The following GALNT15 variants were observed in gnomAD, a reference collection of about 807,000 sequenced individuals.
GALNT15 encodes the protein UDP-GalNAc transferase T15.
A neutral mutation model predicts 66.8 loss-of-function variants in GALNT15; 67 were observed. That is an observed-to-expected ratio of 1.00 (90% CI 0.82 to 1.23). The LOEUF is 1.23. Among genes scored for constraint, GALNT15 ranks in the 50% most tolerant of loss-of-function variants. GALNT15 has a pLI of 0.00. For missense variants in GALNT15, 827 were observed against 804.3 expected, an observed-to-expected ratio of 1.03 and a Z score of -0.34; for synonymous variants, 313 against 311.5, an observed-to-expected ratio of 1.00 and a Z score of -0.05.
Position 16,229,146 on chromosome 3 carries a change from A to G in GALNT15, c.*1646A>G. On this transcript the variant is annotated 3_prime_UTR_variant, in exon 10 of 10. Transcript: ENST00000339732. Reference sequence around the variant, plus strand: ...TCTCAGAACACAGTATCCTTCAAATAAGAAAAACTGAGTGGGAAGTGCAGT... The same window carrying G: ...TCTCAGAACACAGTATCCTTCAAATGAGAAAAACTGAGTGGGAAGTGCAGT... 1.0e-6 allele frequency: 1 copy of G among 985,442 alleles called. No individual in the cohort carries two copies. Among genetic ancestry groups the G allele is most frequent in the Non-Finnish European group, 1.2e-6 (1 of 829,926 alleles). The allele number at this position is 985,442 out of a possible 1,614,324, so 61.0% of individuals were successfully genotyped here.
rs1272941935 is a variant in GALNT15, at chr3:16,222,778, A to G, written c.1773+20A>G. Reference sequence around the variant, plus strand: ...CAGGAGGTGAGTAATCTGTTCAGGAAGAGCCTGGTAGTGCTGCTGGTCAGA... The same window carrying G: ...CAGGAGGTGAGTAATCTGTTCAGGAGGAGCCTGGTAGTGCTGCTGGTCAGA... On this transcript the variant is annotated intron_variant, in intron 9 of 9. Transcript: ENST00000339732. The G allele has an allele frequency of 6.2e-7, 1 of 1,612,300 alleles. No homozygotes were observed. The highest frequency in any genetic ancestry group is 8.5e-7 in the Non-Finnish European group (1 of 1,179,038).
At position 16,225,641 on chromosome 3, in the gene GALNT15, G is replaced by A. The variant is rs1327661020; in HGVS notation, c.1774-1713G>A. On this transcript the variant is annotated intron_variant, in intron 9 of 9. Coordinates refer to ENST00000339732, the MANE Select transcript of GALNT15 (RefSeq NM_054110.5). The surrounding 1 kb of genome is among the most constrained non-coding windows in gnomAD (Gnocchi z 4.4). ...ACCCAGGAGGCAGAGGTTGCACTGAGCTGAGATCGTGCCACTGTACTCCAG... is the reference window on the plus strand; with the variant it reads ...ACCCAGGAGGCAGAGGTTGCACTGAACTGAGATCGTGCCACTGTACTCCAG... Among the ~76,000 whole-genome samples the A allele has an allele frequency of 6.6e-6, 1 of 152,176 alleles. No homozygotes were observed. Among genetic ancestry groups the A allele is most frequent in the East Asian group, 1.9e-4 (1 of 5,198 alleles).
In GALNT15 at chr3:16,193,495, G is replaced by A. The variant is rs1186802224; in HGVS notation, c.540-2265G>A. Among the ~76,000 whole-genome samples, 2 of 152,126 alleles carry A rather than the reference G, an allele frequency of 1.3e-5. No individual in the cohort carries two copies. The highest frequency in any genetic ancestry group is 2.9e-5 in the Non-Finnish European group (2 of 68,024). On this transcript the variant is annotated intron_variant, in intron 1 of 9. Coordinates refer to ENST00000339732, the MANE Select transcript of GALNT15 (RefSeq NM_054110.5). This position sits in a 1 kb window ranked among gnomAD's most constrained non-coding sequence, Gnocchi z 4.7. Reference sequence around the variant, plus strand: ...CCAACAAAATAATTAGCTCCTTTATGAGATGTTTATGTGTTTTTAAAAATT... The same window carrying A: ...CCAACAAAATAATTAGCTCCTTTATAAGATGTTTATGTGTTTTTAAAAATT...
chr3:16,238,166 G>A, the GALNT15 span, among the ~76,000 whole-genome samples: 5 of 152,220 alleles, frequency 3.3e-5, no homozygotes, highest in South Asian at 2.1e-4. The surrounding 1 kb of genome is among the most constrained non-coding windows in gnomAD (Gnocchi z 4.8). Context: ...GCTTGACTTC[G>A]TGGATTCCAG....
rs904429423 is a variant in GALNT15, at chr3:16,224,868, A to G, written c.1773+2110A>G. 3.9e-5 allele frequency among the ~76,000 whole-genome samples: 6 copies of G among 152,090 alleles called. No individual in the cohort carries two copies. The highest frequency in any genetic ancestry group is 2.6e-4 in the Admixed American group (4 of 15,278). On this transcript the variant is annotated intron_variant, in intron 9 of 9. Coordinates refer to ENST00000339732, the MANE Select transcript of GALNT15 (RefSeq NM_054110.5). This position sits in a 1 kb window ranked among gnomAD's most constrained non-coding sequence, Gnocchi z 5.2. ...GCCAGGCTGGTCTCGAACTCCTGAC[A>G]TCAGGTAATCTGCCTGCCTCGGCCT...
intron 3 of GALNT15, among the ~76,000 whole-genome samples, chr3:16,206,722 G>A (rs531926643): frequency 1.3e-5 from 2 of 151,124 alleles, no homozygotes; most frequent in South Asian, 2.1e-4. Flanking sequence ...CAGCATAGAG[G>A]TCTAGGATGA....
At chr3:16,231,821 C>T, downstream of GALNT15, 1 of 1,536,376 alleles carries the variant, frequency 6.5e-7, no homozygotes, top group Non-Finnish European at 8.7e-7. The surrounding 1 kb of genome is among the most constrained non-coding windows in gnomAD (Gnocchi z 4.1). Flanking sequence ...TCTGCTGCTG[C>T]TGAAGCTTAT....
Position 16,191,431 on chromosome 3 carries a change from G to A in GALNT15, c.540-4329G>A. 1 of 759,966 alleles carries A rather than the reference G, an allele frequency of 1.3e-6. No individual in the cohort carries two copies. Among genetic ancestry groups the A allele is most frequent in the Non-Finnish European group, 1.6e-6 (1 of 624,364 alleles). 47.1% of individuals were successfully genotyped at this position (759,966 alleles called of 1,614,324 possible). On this transcript the variant is annotated intron_variant, in intron 1 of 9. Coordinates refer to ENST00000339732, the MANE Select transcript of GALNT15 (RefSeq NM_054110.5). The surrounding 1 kb of genome is among the most constrained non-coding windows in gnomAD (Gnocchi z 5.2). ...TAAAGATCATTTCATCTCCACAACA[G>A]CAAATCCCAAAAAGTGGGCCCTACG...
At chr3:16,247,136 CTGTT>C in the GALNT15 span, among the ~76,000 whole-genome samples, 1 of 115,586 alleles carries the variant, frequency 8.7e-6, no homozygotes, top group East Asian at 2.5e-4. Flanking sequence ...GTGTGTGTGT[CTGTT>C]TGTAAGACCT....
chr3:16,185,087 G>A (rs1251587583), intron 1 of GALNT15, among the ~76,000 whole-genome samples: 1 of 152,170 alleles, frequency 6.6e-6, no homozygotes, highest in Non-Finnish European at 1.5e-5. Flanking sequence ...TTGTGGTCAG[G>A]CATCATGTCT....
intron 2 of GALNT15, among the ~76,000 whole-genome samples, chr3:16,196,345 C>A (rs1259160453): frequency 6.6e-6 from 1 of 152,150 alleles, no homozygotes; most frequent in Non-Finnish European, 1.5e-5. Context: ...ATATGTGTAT[C>A]GGTCCTTCAC....
intron 1 of GALNT15, among the ~76,000 whole-genome samples, chr3:16,185,090 T>G (rs2063504645): frequency 6.6e-6 from 1 of 152,200 alleles, no homozygotes; most frequent in Non-Finnish European, 1.5e-5. Flanking sequence ...TGGTCAGGCA[T>G]CATGTCTATT....
At position 16,204,963 on chromosome 3, in the gene GALNT15, G is replaced by T. The variant is rs1028754902; in HGVS notation, c.912-3540G>T. On this transcript the variant is annotated intron_variant, in intron 3 of 9. Transcript: ENST00000339732. This position sits in a 1 kb window ranked among gnomAD's most constrained non-coding sequence, Gnocchi z 4.5. ...CGAGCATGTGCGTGCGTGTGTGTGT[G>T]CGCGCGCATGTGCGCGTCAAGGAGC... Among the ~76,000 whole-genome samples, 1 of 152,188 alleles carries T rather than the reference G, an allele frequency of 6.6e-6. No individual in the cohort carries two copies. The highest frequency in any genetic ancestry group is 1.5e-5 in the Non-Finnish European group (1 of 68,032).
chr3:16,178,891 C>T, intron 1 of GALNT15, among the ~76,000 whole-genome samples: 1 of 152,216 alleles, frequency 6.6e-6, no homozygotes. Context: ...CATCCCCTTG[C>T]AATTCCATCC....
chr3:16,179,214 A>G (rs1266522388), intron 1 of GALNT15, among the ~76,000 whole-genome samples: 4 of 152,298 alleles, frequency 2.6e-5, no homozygotes, highest in African/African-American at 9.6e-5. Context: ...TTTGTTTTCA[A>G]CTCTTCATAG....
chr3:16,194,920 A>T (rs534714304), intron 1 of GALNT15, among the ~76,000 whole-genome samples: 4 of 152,322 alleles, frequency 2.6e-5, no homozygotes, highest in African/African-American at 9.6e-5. Context: ...GCAGCAAACC[A>T]CTATGGCACA....
At position 16,224,615 on chromosome 3, in the gene GALNT15, T is replaced by C. The variant is rs1365507304; in HGVS notation, c.1773+1857T>C. Among the ~76,000 whole-genome samples, 1 of 149,964 alleles carries C rather than the reference T, an allele frequency of 6.7e-6. No individual in the cohort carries two copies. Among genetic ancestry groups the C allele is most frequent in the Non-Finnish European group, 1.5e-5 (1 of 67,788 alleles). On this transcript the variant is annotated intron_variant, in intron 9 of 9. Coordinates refer to ENST00000339732, the MANE Select transcript of GALNT15 (RefSeq NM_054110.5). This position sits in a 1 kb window ranked among gnomAD's most constrained non-coding sequence, Gnocchi z 5.2. Reference sequence around the variant, plus strand: ...ATAACAATGTGAATATATTTAACACTATTGTAGTAGGCTATTCTTTTTTTT... The same window carrying C: ...ATAACAATGTGAATATATTTAACACCATTGTAGTAGGCTATTCTTTTTTTT...
intron 8 of GALNT15, among the ~76,000 whole-genome samples, chr3:16,220,740 T>C (rs1191302311): frequency 6.6e-6 from 1 of 151,992 alleles, no homozygotes; most frequent in Non-Finnish European, 1.5e-5. Context: ...GAATCAAAGA[T>C]CTGGGGGGCA....
Position 16,227,296 on chromosome 3 carries a change from T to C in GALNT15, c.1774-58T>C, listed in dbSNP as rs2064030772. ...TAGCACAAATCTTAAAAATATTTTC[T>C]TTTGCTGACTGATTGTGGGGGACTG... On this transcript the variant is annotated intron_variant, in intron 9 of 9. Coordinates refer to ENST00000339732, the MANE Select transcript of GALNT15 (RefSeq NM_054110.5). This position sits in a 1 kb window ranked among gnomAD's most constrained non-coding sequence, Gnocchi z 4.5. The C allele has an allele frequency of 6.5e-7, 1 of 1,549,982 alleles. No homozygotes were observed. The highest frequency in any genetic ancestry group is 1.4e-5 in the African/African-American group (1 of 72,174).
Sources: gnomAD v4.1 joint callset for allele counts (sites outside exome capture counted in the v4.1 genomes callset) on GRCh38, gnomAD v4.1.1 for gene constraint, Gnocchi (gnomAD v3.1) non-coding constraint, MANE v1.5 for transcripts, NCBI Gene and HGNC (gene_info 2026-07-23, HGNC 2026-07-21) for gene names.